MRPS28: variants seen among roughly 807,000 people sequenced by gnomAD.
MRPS28 encodes the protein small ribosomal subunit protein bS1m.
MRPS28 carries 7 observed loss-of-function variants against 10.8 expected under a neutral mutation model. That is an observed-to-expected ratio of 0.65 (90% CI 0.37 to 1.22). MRPS28 has a LOEUF of 1.22. Among genes scored for constraint, MRPS28 ranks in the 50% most tolerant of loss-of-function variants. The pLI is 0.02. For missense variants in MRPS28, 265 were observed against 232.9 expected, an observed-to-expected ratio of 1.14 and a Z score of -0.90; for synonymous variants, 121 against 93.3, an observed-to-expected ratio of 1.30 and a Z score of -1.71.
intron 2 of MRPS28, among the ~76,000 whole-genome samples, chr8:79,969,677 A>C (rs1807581894): frequency 6.6e-6 from 1 of 152,048 alleles, no homozygotes; most frequent in South Asian, 2.1e-4. Context: ...GGAGTCTGAG[A>C]CCAGCCTGGG....
chr8:80,007,221 AC>A (rs1430348425), intron 1 of MRPS28, among the ~76,000 whole-genome samples: 3 of 152,118 alleles, frequency 2.0e-5, no homozygotes, highest in Non-Finnish European at 4.4e-5. Context: ...AAATTCAACA[AC>A]CCTTCATGCT....
At chr8:79,988,712 A>G (rs116417461) in intron 2 of MRPS28, among the ~76,000 whole-genome samples, 2,483 of 152,310 alleles carry the variant, frequency 0.016, 72 homozygotes, top group African/African-American at 0.056. Context: ...CAGCTCCAAA[A>G]TAAGCCTTTT....
In MRPS28 at chr8:79,974,566, T is replaced by TA. The variant is rs969801741; in HGVS notation, c.395+28432dup. 1.1e-4 allele frequency among the ~76,000 whole-genome samples: 15 copies of TA among 142,506 alleles called. 1 individual carries two copies. In the South Asian group the frequency reaches 1.8e-3, roughly 17 times the overall value. 93.5% of individuals were successfully genotyped at this position (142,506 alleles called of 152,430 possible). A position where few individuals can be genotyped will look rare whatever the true frequency, so the allele number is the denominator to read the frequency against. On this transcript the variant is annotated intron_variant, in intron 2 of 2. Transcript: ENST00000276585. ...AAAAACAAAACAAAACAAAACAAAA[T>TA]AAAAAAACAAAAAAAAAACAAATGA...
chr8:79,982,519 G>C (rs1487690319), intron 2 of MRPS28, among the ~76,000 whole-genome samples: 1 of 152,178 alleles, frequency 6.6e-6, no homozygotes, highest in African/African-American at 2.4e-5. Flanking sequence ...GTCAAAGAAG[G>C]GGGTGACAGA....
At chr8:79,964,737 A>T (rs1181612349) in intron 2 of MRPS28, among the ~76,000 whole-genome samples, 1 of 152,132 alleles carries the variant, frequency 6.6e-6, no homozygotes, top group Non-Finnish European at 1.5e-5. Flanking sequence ...AAGTGAATAC[A>T]TGGGAGGTGC....
intron 2 of MRPS28, among the ~76,000 whole-genome samples, chr8:79,982,577 C>T (rs184821788): frequency 3.9e-5 from 6 of 152,250 alleles, no homozygotes; most frequent in African/African-American, 1.2e-4. Flanking sequence ...TGCGCTTTTC[C>T]GACGGTCTTA....
intron 2 of MRPS28, among the ~76,000 whole-genome samples, chr8:79,971,376 TTAAA>T (rs1261739397): frequency 4.6e-5 from 7 of 152,148 alleles, no homozygotes; most frequent in Non-Finnish European, 1.0e-4. Context: ...ATTCACTAAC[TTAAA>T]TAAACAATTC....
At chr8:79,950,356 T>C (rs572819824) in intron 2 of MRPS28, among the ~76,000 whole-genome samples, 1 of 152,110 alleles carries the variant, frequency 6.6e-6, no homozygotes, top group Non-Finnish European at 1.5e-5. Flanking sequence ...CCATAGAAAA[T>C]GATTTGAATG....
intron 2 of MRPS28, among the ~76,000 whole-genome samples, chr8:79,975,854 A>G (rs1040286244): frequency 7.2e-5 from 11 of 152,208 alleles, no homozygotes; most frequent in African/African-American, 2.7e-4. Context: ...AGATAGTTAT[A>G]CCAAAATCTA....
At chr8:79,925,449 T>C (rs1473270917) in intron 2 of MRPS28, among the ~76,000 whole-genome samples, 1 of 152,180 alleles carries the variant, frequency 6.6e-6, no homozygotes, top group Non-Finnish European at 1.5e-5. Context: ...AATTCTACTA[T>C]GAATATATAA....
chr8:79,925,804 T>G (rs181146269), intron 2 of MRPS28, among the ~76,000 whole-genome samples: 29 of 152,078 alleles, frequency 1.9e-4, no homozygotes, highest in Non-Finnish European at 4.0e-4. Flanking sequence ...CTGGGCAACA[T>G]GGCAAAATCC....
chr8:79,979,979 TCTG>T (rs1807912081), intron 2 of MRPS28, among the ~76,000 whole-genome samples: 1 of 149,866 alleles, frequency 6.7e-6, no homozygotes, highest in African/African-American at 2.5e-5. Context: ...AGACAAGTTT[TCTG>T]CTATTTGCAA....
intron 2 of MRPS28, among the ~76,000 whole-genome samples, chr8:79,985,812 A>G (rs955772167): frequency 3.3e-5 from 5 of 152,082 alleles, no homozygotes; most frequent in African/African-American, 7.2e-5. Flanking sequence ...AGAGTCCAGG[A>G]CCAGATGGAT....
At chr8:80,011,591 T>TA (rs1393034779) in intron 1 of MRPS28, among the ~76,000 whole-genome samples, 24 of 151,798 alleles carry the variant, frequency 1.6e-4, no homozygotes, top group African/African-American at 5.3e-4. Flanking sequence ...CTGTCTCTAC[T>TA]AAAATACAAA....
At chr8:79,928,994 C>T (rs986149343) in intron 2 of MRPS28, among the ~76,000 whole-genome samples, 6 of 152,008 alleles carry the variant, frequency 3.9e-5, no homozygotes, top group African/African-American at 1.4e-4. Flanking sequence ...TGCAGTTAGC[C>T]GAGATTTTGC....
intron 1 of MRPS28, among the ~76,000 whole-genome samples, chr8:80,025,160 T>A (rs558780532): frequency 2.6e-5 from 4 of 152,228 alleles, no homozygotes; most frequent in Non-Finnish European, 5.9e-5. Context: ...AAGTGCATTT[T>A]ATGAGTTCAA....
intron 1 of MRPS28, among the ~76,000 whole-genome samples, chr8:80,018,543 A>C (rs1809267595): frequency 6.6e-6 from 1 of 152,192 alleles, no homozygotes; most frequent in African/African-American, 2.4e-5. Context: ...GCGGGAACAT[A>C]AATTAGTACA....
intron 2 of MRPS28, chr8:79,956,641 C>T (rs1807221293): frequency 6.6e-6 from 1 of 152,094 alleles, no homozygotes; most frequent in Non-Finnish European, 1.5e-5. Flanking sequence ...CCACCCTCCA[C>T]CCTCAAGTAG....
intron 1 of MRPS28, among the ~76,000 whole-genome samples, chr8:80,021,518 G>A (rs1343529952): frequency 6.6e-6 from 1 of 152,204 alleles, no homozygotes; most frequent in Non-Finnish European, 1.5e-5. Context: ...GCTGACAGAT[G>A]CATAGACTGG....
Sources: allele counts gnomAD v4.1 joint callset (sites outside exome capture counted in the v4.1 genomes callset), GRCh38; gene constraint gnomAD v4.1.1; transcripts MANE v1.5; gene names NCBI Gene and HGNC (gene_info 2026-07-23, HGNC 2026-07-21).